Variants in STX2 observed in about 807,000 individuals in gnomAD.
STX2 encodes the protein syntaxin 2, also known as syntaxin-2.
In STX2, 27 loss-of-function variants were observed where a neutral mutation model predicts 40.6. The ratio of observed to expected loss-of-function variants is 0.66; its 90% CI spans 0.49 to 0.92. The LOEUF is 0.92. STX2 is among the 40% of genes least tolerant of loss of function. The pLI is 0.00. For missense variants in STX2, 328 were observed against 366.1 expected (o/e 0.90, Z 0.85); for synonymous variants, 123 against 119.1 (o/e 1.03, Z -0.22).
chr12:130,805,214 G>A (rs1951385599), intron 6 of STX2, among the ~76,000 whole-genome samples: 1 of 152,188 alleles, frequency 6.6e-6, no homozygotes, highest in Non-Finnish European at 1.5e-5. Context: ...TTTCTGCCAG[G>A]ATGGAGCAAC....
chr12:130,800,070 T>C (rs1951167906), intron 8 of STX2, among the ~76,000 whole-genome samples: 1 of 152,114 alleles, frequency 6.6e-6, no homozygotes, highest in Admixed American at 6.6e-5. Context: ...AACCATTTAC[T>C]TAGGATGGTT....
intron 2 of STX2, among the ~76,000 whole-genome samples, chr12:130,823,863 C>G (rs1224385848): frequency 6.6e-6 from 1 of 152,192 alleles, no homozygotes; most frequent in Non-Finnish European, 1.5e-5. Context: ...TTTTGTAAAT[C>G]TAATGTCCAG....
At chr12:130,827,685 G>C (rs532086564) in intron 1 of STX2, among the ~76,000 whole-genome samples, 1 of 152,246 alleles carries the variant, frequency 6.6e-6, no homozygotes, top group South Asian at 2.1e-4. Flanking sequence ...AGGCTGAGGG[G>C]GGCAGAATGC....
chr12:130,834,293 G>A (rs1197799972), intron 1 of STX2, among the ~76,000 whole-genome samples: 1 of 149,484 alleles, frequency 6.7e-6, no homozygotes, highest in East Asian at 2.0e-4. Flanking sequence ...AGAGGCGGAG[G>A]ATGCAGTGAA....
intron 1 of STX2, among the ~76,000 whole-genome samples, chr12:130,832,402 G>T (rs1952598058): frequency 6.6e-6 from 1 of 152,110 alleles, no homozygotes; most frequent in African/African-American, 2.4e-5. Context: ...ATGTCAGGAT[G>T]GTTTTCTGGA....
chr12:130,797,007 G>C (rs977293942), intron 9 of STX2, among the ~76,000 whole-genome samples: 1 of 152,322 alleles, frequency 6.6e-6, no homozygotes, highest in East Asian at 1.9e-4. Context: ...GAGCGGCAAG[G>C]GGACAGGGAG....
chr12:130,802,907 T>C (rs1227815119), intron 6 of STX2, among the ~76,000 whole-genome samples: 4 of 152,102 alleles, frequency 2.6e-5, no homozygotes, highest in Non-Finnish European at 4.4e-5. Context: ...AATGGGAAAA[T>C]GTACAGGAGT....
In STX2 at chr12:130,798,908, C is replaced by A. The variant is rs186872968; in HGVS notation, c.676-273G>T. ...GGCACCTCAAGTCAATTCTGAGATA[C>A]CTTTAACACGCAGACACTTTCGACA... is the stretch of plus-strand genomic sequence containing the variant. On this transcript the variant is annotated intron_variant, in intron 8 of 10. Coordinates refer to ENST00000392373, the MANE Select transcript of STX2 (RefSeq NM_194356.4). Among the ~76,000 whole-genome samples the A allele has an allele frequency of 3.3e-5, 5 of 152,308 alleles. No homozygotes were observed. In the East Asian group the frequency reaches 7.7e-4, roughly 24 times the overall value.
At chr12:130,831,419 C>T (rs1409158214) in intron 1 of STX2, among the ~76,000 whole-genome samples, 2 of 152,200 alleles carry the variant, frequency 1.3e-5, no homozygotes, top group East Asian at 1.9e-4. Flanking sequence ...AATCCCAGCA[C>T]TTTGGGAGGC....
At chr12:130,795,254 C>T (rs187799879) in intron 10 of STX2, among the ~76,000 whole-genome samples, 11 of 152,270 alleles carry the variant, frequency 7.2e-5, no homozygotes, top group African/African-American at 1.4e-4. Flanking sequence ...TTTTTCTCAG[C>T]GTTCATCCAT....
intron 7 of STX2, 51 bp downstream of exon 7, chr12:130,801,364 G>A: frequency 6.3e-7 from 1 of 1,592,250 alleles, no homozygotes; most frequent in African/African-American, 1.4e-5. Context: ...TTTTTAAAAA[G>A]CTCTGTCTAC....
At chr12:130,825,722 G>A (rs1314342739) in intron 2 of STX2, among the ~76,000 whole-genome samples, 1 of 152,140 alleles carries the variant, frequency 6.6e-6, no homozygotes, top group East Asian at 1.9e-4. Context: ...CTTTCCATAT[G>A]CTTTTATAAA....
rs566656223 is a variant in STX2 at position 130,812,201 on chromosome 12, G to T, written c.280+756C>A. 253 of 231,278 alleles carry T rather than the reference G, an allele frequency of 1.1e-3. 6 individuals carry two copies. The highest frequency in any genetic ancestry group is 9.0e-3 in the South Asian group (212 of 23,428). 14.3% of individuals were successfully genotyped at this position (231,278 alleles called of 1,614,324 possible). On this transcript the variant is annotated intron_variant, in intron 4 of 10. Coordinates refer to ENST00000392373, the MANE Select transcript of STX2 (RefSeq NM_194356.4). Reference sequence around the variant, plus strand: ...AAAAAAAAAAATCGTAAGACCACTGGGGAAATTCTGCCTGGATATTCTGTA... The same window carrying T: ...AAAAAAAAAAATCGTAAGACCACTGTGGAAATTCTGCCTGGATATTCTGTA...
At chr12:130,821,847 TC>T in intron 2 of STX2, 59 bp from the exon 3 acceptor site, 1 of 1,098,544 alleles carries the variant, frequency 9.1e-7, no homozygotes, top group Non-Finnish European at 1.4e-6. Context: ...CCACTTTTCA[TC>T]CCCTAAAAGG....
rs113911405 is a variant in STX2, at chr12:130,822,856, C to T, written c.106-1068G>A. Among the ~76,000 whole-genome samples the T allele has an allele frequency of 7.8e-3, 1,189 of 152,244 alleles. 21 individuals carry two copies. The highest frequency in any genetic ancestry group is 0.027 in the African/African-American group (1,111 of 41,526). On this transcript the variant is annotated intron_variant, in intron 2 of 10. Coordinates refer to ENST00000392373, the MANE Select transcript of STX2 (RefSeq NM_194356.4). ...ATATAAATAACTCGCAAAAGCTTAG[C>T]GTTCCAATAATGGAACACTACGCAT...
At chr12:130,828,418 T>C (rs1183841010) in intron 1 of STX2, among the ~76,000 whole-genome samples, 2 of 149,284 alleles carry the variant, frequency 1.3e-5, no homozygotes, top group South Asian at 4.3e-4. Context: ...TTTTGTATTT[T>C]TAGTAGAGAC....
chr12:130,815,560 G>A (rs1951827961), intron 3 of STX2, among the ~76,000 whole-genome samples: 2 of 152,204 alleles, frequency 1.3e-5, no homozygotes, highest in African/African-American at 2.4e-5. Flanking sequence ...CATCTGCATC[G>A]TTTCAATATC....
At chr12:130,801,109 C>G (rs368635896) in intron 8 of STX2, 44 bp downstream of exon 8, 2 of 1,570,614 alleles carry the variant, frequency 1.3e-6, no homozygotes, top group Non-Finnish European at 1.7e-6. Context: ...AGATTTTACA[C>G]ATGACTGATA....
intron 1 of STX2, among the ~76,000 whole-genome samples, chr12:130,831,245 G>A (rs1204585590): frequency 1.3e-5 from 2 of 152,208 alleles, no homozygotes; most frequent in East Asian, 1.9e-4. Flanking sequence ...ATAATTGTGG[G>A]CAAATAAATT....
Sources: gnomAD v4.1 joint callset for allele counts (sites outside exome capture counted in the v4.1 genomes callset) on GRCh38, gnomAD v4.1.1 for gene constraint, MANE v1.5 for transcripts, NCBI Gene and HGNC (gene_info 2026-07-23, HGNC 2026-07-21) for gene names.